Variants in CTIF observed in about 807,000 individuals in gnomAD.
CTIF encodes CBP80/20-dependent translation initiation factor.
Under a neutral mutation model 66.0 loss-of-function variants are expected in CTIF, and 21 were observed. The observed-to-expected ratio is 0.32, with a 90% CI of 0.23 to 0.46. The LOEUF is 0.46. Among genes scored for constraint, CTIF ranks in the 20% least tolerant of loss-of-function variants. CTIF has a pLI of 1.00. For missense variants in CTIF, 739 were observed against 812.7 expected, an observed-to-expected ratio of 0.91 and a Z score of 1.10; for synonymous variants, 345 against 326.4, an observed-to-expected ratio of 1.06 and a Z score of -0.62.
At chr18:48,716,413 G>A (rs572529302) in intron 7 of CTIF, among the ~76,000 whole-genome samples, 8 of 152,310 alleles carry the variant, frequency 5.3e-5, no homozygotes, top group Admixed American at 5.2e-4. Flanking sequence ...GAGACCTCCA[G>A]GAGGATTTGG....
chr18:48,832,332 C>T lies in CTIF; in HGVS notation c.1527+14956C>T, dbSNP rs185786253. Among the ~76,000 whole-genome samples, 566 of 152,228 alleles carry T rather than the reference C, an allele frequency of 3.7e-3. 3 individuals carry two copies. Among genetic ancestry groups the T allele is most frequent in the African/African-American group, 0.011 (446 of 41,530 alleles). ...GACTCCAGGTGTGCACCACCACCCC[C>T]GGCTAATTTTTTGTATTTTTAGTAG... On this transcript the variant is annotated intron_variant, in intron 10 of 11. Coordinates refer to ENST00000256413, the MANE Select transcript of CTIF (RefSeq NM_014772.3).
chr18:48,723,113 C>A (rs769757595), intron 7 of CTIF, among the ~76,000 whole-genome samples: 7 of 152,210 alleles, frequency 4.6e-5, no homozygotes, highest in African/African-American at 9.7e-5. Flanking sequence ...GGCTTCCAGG[C>A]GTGTGCTGCT....
rs57816986 is a variant in CTIF at position 48,573,303 on chromosome 18, C to G, written c.-29+33991C>G. Among the ~76,000 whole-genome samples the G allele has an allele frequency of 7.7e-3, 1,178 of 152,258 alleles. 11 individuals are homozygous for G. Among genetic ancestry groups the G allele is most frequent in the African/African-American group, 0.027 (1,127 of 41,540 alleles). On this transcript the variant is annotated intron_variant, in intron 1 of 11. Transcript: ENST00000256413. ...CAGGGCTTGGAAGGCCAGCAGAGCA[C>G]GGGACATCCCTGTGTTTCATGACCT...
chr18:48,547,041 T>C (rs1370643889), intron 1 of CTIF, among the ~76,000 whole-genome samples: 2 of 152,152 alleles, frequency 1.3e-5, no homozygotes, highest in African/African-American at 4.8e-5. Context: ...CTCTTTGCCC[T>C]TTGCTGACTT....
At position 48,676,479 on chromosome 18, in the gene CTIF, C is replaced by G. The variant is rs374031395; in HGVS notation, c.507+5735C>G. Among the ~76,000 whole-genome samples, 7 of 152,162 alleles carry G rather than the reference C, an allele frequency of 4.6e-5. No homozygotes were observed. In the South Asian group the frequency reaches 1.5e-3, roughly 32 times the overall value. ...GAAACCAAATTCTGTGTCTGTTGGC[C>G]GTTAATCATTAGATGGCTCAGACCT... On this transcript the variant is annotated intron_variant, in intron 6 of 11. Coordinates refer to ENST00000256413, the MANE Select transcript of CTIF (RefSeq NM_014772.3).
At chr18:48,547,721 C>G (rs1186749128) in intron 1 of CTIF, among the ~76,000 whole-genome samples, 1 of 152,202 alleles carries the variant, frequency 6.6e-6, no homozygotes, top group Non-Finnish European at 1.5e-5. Context: ...CTCCATTTGT[C>G]AAGCTGAGAT....
chr18:48,601,720 A>G (rs34617238), intron 1 of CTIF, among the ~76,000 whole-genome samples: 30,992 of 152,198 alleles, frequency 0.2, 3,228 homozygotes, highest in South Asian at 0.24. Flanking sequence ...GACTGCATAT[A>G]CTGATATGTT....
At chr18:48,780,363 A>G (rs1420360658) in intron 9 of CTIF, among the ~76,000 whole-genome samples, 3 of 152,210 alleles carry the variant, frequency 2.0e-5, no homozygotes, top group Non-Finnish European at 2.9e-5. Flanking sequence ...CGCTTTCTTC[A>G]CTGTGCTGCT....
chr18:48,669,152 TA>T (rs112653380), intron 5 of CTIF, among the ~76,000 whole-genome samples: 5,016 of 152,220 alleles, frequency 0.033, 176 homozygotes, highest in African/African-American at 0.087. Flanking sequence ...GGATTTGTTC[TA>T]AGGGCCATCC....
chr18:48,612,585 C>T lies in CTIF; in HGVS notation c.-28-6953C>T, dbSNP rs1018840502. On this transcript the variant is annotated intron_variant, in intron 1 of 11. Transcript: ENST00000256413. ...TTGCAGCACCAGGTGACATGGGAAGCGGCCACAGGAAGGTGGGGTGAAGAC... is the reference window on the plus strand; with the variant it reads ...TTGCAGCACCAGGTGACATGGGAAGTGGCCACAGGAAGGTGGGGTGAAGAC... Among the ~76,000 whole-genome samples the T allele has an allele frequency of 9.8e-5, 15 of 152,312 alleles. No individual in the cohort carries two copies. The South Asian group carries it at 1.9e-3, about 19-fold the overall frequency.
intron 10 of CTIF, among the ~76,000 whole-genome samples, chr18:48,821,933 T>C (rs1162027347): frequency 6.6e-6 from 1 of 152,140 alleles, no homozygotes; most frequent in Non-Finnish European, 1.5e-5. Flanking sequence ...CTCCAGAACA[T>C]ATGCATCTTG....
chr18:48,734,170 C>A (rs1163177640), intron 7 of CTIF, among the ~76,000 whole-genome samples: 1 of 152,198 alleles, frequency 6.6e-6, no homozygotes, highest in African/African-American at 2.4e-5. Context: ...CGAGTCCCCA[C>A]CCACTTCCCC....
Position 48,761,641 on chromosome 18 carries a change from T to C in CTIF, c.1323T>C (p.Phe441=). 5 of 1,613,810 alleles carry C rather than the reference T, an allele frequency of 3.1e-6. No individual in the cohort carries two copies. Among genetic ancestry groups the C allele is most frequent in the Non-Finnish European group, 4.2e-6 (5 of 1,179,762 alleles). The change falls in exon 9 of 12, where the codon TTT becomes TTC. Residue 441 remains phenylalanine, a synonymous_variant. Coordinates refer to ENST00000256413, the MANE Select transcript of CTIF (RefSeq NM_014772.3). The surrounding 1 kb of genome is among the most constrained non-coding windows in gnomAD (Gnocchi z 4.2). ...AAKLCDKMAL[F]MVEGTKFRSL... ...AGCTCTGCGACAAGATGGCGCTCTT[T>C]ATGGTGGAGGGGACCAAGTTCCGGA...
At position 48,626,650 on chromosome 18, in the gene CTIF, T is replaced by TTTTTG. The variant is rs753825189; in HGVS notation, c.180+6909_180+6910insGTTTT. On this transcript the variant is annotated intron_variant, in intron 2 of 11. Coordinates refer to ENST00000256413, the MANE Select transcript of CTIF (RefSeq NM_014772.3). The stretch of plus-strand genomic sequence containing the variant: ...ATGAGCCACCGCACCTGGCCGTTTT[T>TTTTTG]TTTTTGTTTTTTTTTTTTTTTTGAG... Among the ~76,000 whole-genome samples the TTTTTG allele has an allele frequency of 1.9e-3, 255 of 131,832 alleles. 6 individuals are homozygous for TTTTTG. The highest frequency in any genetic ancestry group is 2.6e-3 in the Non-Finnish European group (163 of 63,604). The allele number at this position is 131,832 out of a possible 152,430, so 86.5% of individuals were successfully genotyped here. A position where few individuals can be genotyped will look rare whatever the true frequency, so the allele number is the denominator to read the frequency against.
chr18:48,605,165 G>T (rs1229555385), intron 1 of CTIF, among the ~76,000 whole-genome samples: 4 of 152,144 alleles, frequency 2.6e-5, no homozygotes, highest in Non-Finnish European at 1.5e-5. Flanking sequence ...TGGGTCATAA[G>T]GTTTATGTTT....
At chr18:48,662,654 GCT>G (rs569019473) in intron 3 of CTIF, 2 of 151,570 alleles carry the variant, frequency 1.3e-5, no homozygotes, top group East Asian at 1.9e-4. Context: ...AAAGCTGCTC[GCT>G]CTCTCTGTCT....
chr18:48,799,070 T>C, intron 9 of CTIF, among the ~76,000 whole-genome samples: 1 of 152,158 alleles, frequency 6.6e-6, no homozygotes. Context: ...AGAAGGTGAA[T>C]GGTGCCAGCC....
chr18:48,661,636 A>T (rs2091348981), intron 3 of CTIF, among the ~76,000 whole-genome samples: 2 of 152,270 alleles, frequency 1.3e-5, no homozygotes, highest in South Asian at 4.1e-4. Context: ...ACTCGAAGAA[A>T]AGGGAGAGAG....
chr18:48,754,210 G>A (rs149436744), intron 7 of CTIF, among the ~76,000 whole-genome samples: 322 of 152,220 alleles, frequency 2.1e-3, no homozygotes, highest in Non-Finnish European at 3.6e-3. Context: ...AGGTCACTGC[G>A]GTCCTTGTCC....
Sources: allele counts gnomAD v4.1 joint callset (sites outside exome capture counted in the v4.1 genomes callset), GRCh38; gene constraint gnomAD v4.1.1; non-coding constraint Gnocchi (gnomAD v3.1); transcripts MANE v1.5; gene names NCBI Gene and HGNC (gene_info 2026-07-23, HGNC 2026-07-21).